Variants in DDX43 observed in about 807,000 individuals in gnomAD.
DDX43 encodes the protein DEAD-box helicase 43, also known as probable ATP-dependent RNA helicase DDX43.
DDX43 carries 50 observed loss-of-function variants against 84.9 expected under a neutral mutation model. The ratio of observed to expected loss-of-function variants is 0.59; its 90% CI spans 0.47 to 0.75. DDX43 has a LOEUF of 0.75. DDX43 is among the 30% of genes least tolerant of loss of function. The pLI is 0.00. For synonymous variants in DDX43, 291 were observed against 266.3 expected (o/e 1.09, Z -0.90); for missense variants, 689 against 798.6 (o/e 0.86, Z 1.65).
At chr6:73,413,872 A>G in intron 12 of DDX43, 87 bp downstream of exon 12, 2 of 1,533,604 alleles carry the variant, frequency 1.3e-6, no homozygotes, top group Non-Finnish European at 1.8e-6. Context: ...AATGGGGGTG[A>G]TAAGTCTGTT....
At chr6:73,406,337 G>A (rs1400281700) in intron 6 of DDX43, 27 bp from the exon 7 acceptor site, 2 of 1,524,462 alleles carry the variant, frequency 1.3e-6, no homozygotes, top group South Asian at 2.3e-5. Context: ...TGTACTTTTT[G>A]TGTTAATGTT....
Position 73,405,661 on chromosome 6 carries a change from G to T in DDX43, c.651-18G>T. ...GAGTAAAGTGAGGAAAGCCACTGAT[G>T]TTTTTTATTCTTTGAAGGAAAGAAA... On this transcript the variant is annotated intron_variant, in intron 5 of 16. Coordinates refer to ENST00000370336, the MANE Select transcript of DDX43 (RefSeq NM_018665.3). The T allele has an allele frequency of 2.5e-6, 4 of 1,610,708 alleles. No homozygotes were observed. The highest frequency in any genetic ancestry group is 3.4e-6 in the Non-Finnish European group (4 of 1,178,410).
Position 73,400,221 on chromosome 6 carries a change from C to T in DDX43, c.307-13C>T. ...AAATTTTAAGTCTCACCTCTTTTTC[C>T]CCTTGTACCTAGATAATACAAGAAC... On this transcript the variant is annotated splice_polypyrimidine_tract_variant and intron_variant, in intron 2 of 16. Coordinates refer to ENST00000370336, the MANE Select transcript of DDX43 (RefSeq NM_018665.3). The T allele has an allele frequency of 1.9e-6, 3 of 1,569,038 alleles. No individual in the cohort carries two copies. The highest frequency in any genetic ancestry group is 2.6e-6 in the Non-Finnish European group (3 of 1,163,164).
Position 73,402,000 on chromosome 6 carries a change from G to T in DDX43, c.568+10G>T. 1.2e-6 allele frequency: 2 copies of T among 1,613,030 alleles called. No individual in the cohort carries two copies. The highest frequency in any genetic ancestry group is 2.2e-5 in the East Asian group (1 of 44,820). ...AAAACAAAGTGGGCAGGTCAGTGCT[G>T]CTTCCTAATATTTACATATATTGTT... On this transcript the variant is annotated intron_variant, in intron 4 of 16. Transcript: ENST00000370336.
In DDX43 at chr6:73,395,062, G is replaced by A. The variant is rs776222017; in HGVS notation, c.157G>A (p.Gly53Ser). The change falls in exon 1 of 17, where the codon GGC (glycine) becomes AGC (serine). Residue 53 changes from glycine (G) to serine (S), a missense_variant. Gly to Ser is a moderately conservative substitution (Grantham distance 56, BLOSUM62 0). This residue lies in a region of DDX43 where 137 missense variants were observed against 105.9 expected (regional missense o/e 1.29). Transcript: ENST00000370336. ...TGTCGGCAGAGGTGGTCGCTGGAGA[G>A]GCACCTCTAGGCCCCCGGAGGCCGT... ...YSVGRGGRWR[G>S]TSRPPEAVAA... The A allele has an allele frequency of 3.7e-6, 6 of 1,613,226 alleles. No individual in the cohort carries two copies. Among genetic ancestry groups the A allele is most frequent in the South Asian group, 1.1e-5 (1 of 91,040 alleles).
At chr6:73,412,411 G>T in intron 11 of DDX43, 119 bp downstream of exon 11, 1 of 696,662 alleles carries the variant, frequency 1.4e-6, no homozygotes, top group Non-Finnish European at 2.4e-6. Flanking sequence ...CTTGCATATA[G>T]TTTTAATAGA....
intron 11 of DDX43, 82 bp from the exon 12 acceptor site, chr6:73,413,576 G>T (rs1047790568): frequency 7.5e-7 from 1 of 1,340,146 alleles, no homozygotes; most frequent in Non-Finnish European, 1.0e-6. Flanking sequence ...CAATGAGAGA[G>T]AAGATGCATT....
rs755034491 is a variant in DDX43, at chr6:73,413,800, T to A, written c.1496+15T>A. ...CGAAAAGCTGTGTAGGTATTTTTTC[T>A]TGTGTGTCCATTATAATTAATTAAA... On this transcript the variant is annotated intron_variant, in intron 12 of 16. Transcript: ENST00000370336. The A allele has an allele frequency of 3.7e-6, 6 of 1,608,098 alleles. No individual in the cohort carries two copies. In the South Asian group the frequency reaches 6.7e-5, roughly 18 times the overall value.
At chr6:73,405,341 T>C (rs2150794179) in intron 5 of DDX43, among the ~76,000 whole-genome samples, 1 of 152,330 alleles carries the variant, frequency 6.6e-6, no homozygotes, top group African/African-American at 2.4e-5. Context: ...AAGGATGCAT[T>C]AATGAAATAT....
At chr6:73,403,811 G>A (rs1008426791) in intron 4 of DDX43, among the ~76,000 whole-genome samples, 3 of 150,564 alleles carry the variant, frequency 2.0e-5, no homozygotes, top group Non-Finnish European at 3.0e-5. Flanking sequence ...CACCATGCCA[G>A]GCTAATTTTT....
At chr6:73,407,873 A>G (rs1488705644) in intron 8 of DDX43, 87 bp from the exon 9 acceptor site, 3 of 1,324,460 alleles carry the variant, frequency 2.3e-6, no homozygotes, top group Non-Finnish European at 3.2e-6. Context: ...GTACCTGATA[A>G]TTGATTTTTA....
intron 2 of DDX43, among the ~76,000 whole-genome samples, chr6:73,398,890 C>T (rs1057191678): frequency 2.0e-5 from 3 of 152,170 alleles, no homozygotes; most frequent in African/African-American, 7.2e-5. Context: ...AACTGTATGT[C>T]CTGCTTCCAT....
intron 1 of DDX43, 41 bp downstream of exon 1, chr6:73,395,196 C>G (rs1181487823): frequency 6.4e-7 from 1 of 1,559,086 alleles, no homozygotes; most frequent in Non-Finnish European, 8.7e-7. Context: ...TAGGTGGGGC[C>G]AGGGGCGGAG....
At chr6:73,395,506 C>T (rs1250077150) in intron 1 of DDX43, among the ~76,000 whole-genome samples, 1 of 151,820 alleles carries the variant, frequency 6.6e-6, no homozygotes, top group Non-Finnish European at 1.5e-5. Flanking sequence ...CCCAGATACT[C>T]CGGAGGCTGA....
chr6:73,416,836 T>G (rs1048434374), intron 16 of DDX43, among the ~76,000 whole-genome samples: 7 of 152,126 alleles, frequency 4.6e-5, no homozygotes, highest in Non-Finnish European at 7.4e-5. Flanking sequence ...GTTAGGAGTT[T>G]GAGACCAACC....
rs778271512 is a variant in DDX43 at position 73,408,188 on chromosome 6, A to G, written c.1179+87A>G. ...AGTGGGTCACGCCTGTAATCCGAGCACTTTGGGAGGCCGAGGCAGGTGGAT... is the reference window on the plus strand; with the variant it reads ...AGTGGGTCACGCCTGTAATCCGAGCGCTTTGGGAGGCCGAGGCAGGTGGAT... On this transcript the variant is annotated intron_variant, in intron 9 of 16. Coordinates refer to ENST00000370336, the MANE Select transcript of DDX43 (RefSeq NM_018665.3). The G allele has an allele frequency of 3.8e-5, 54 of 1,408,624 alleles. No homozygotes were observed. The Middle Eastern group carries it at 9.9e-4, about 26-fold the overall frequency. 87.3% of individuals were successfully genotyped at this position (1,408,624 alleles called of 1,614,324 possible).
intron 11 of DDX43, among the ~76,000 whole-genome samples, chr6:73,412,668 T>TGTGTGTGTGTGCGC (rs538597626): frequency 0.016 from 1,724 of 107,988 alleles, 50 homozygotes; most frequent in East Asian, 0.027. Context: ...TGTGTGTGTG[T>TGTGTGTGTGTGCGC]GCGCGCGCGC....
chr6:73,407,582 A>C lies in DDX43; in HGVS notation c.1004A>C (p.Glu335Ala). 1 of 1,613,612 alleles carries C rather than the reference A, an allele frequency of 6.2e-7. No individual in the cohort carries two copies. Among genetic ancestry groups the C allele is most frequent in the Non-Finnish European group, 8.5e-7 (1 of 1,179,576 alleles). The change falls in exon 8 of 17, where the codon GAA (glutamate) becomes GCA (alanine). Residue 335 changes from glutamate (E) to alanine (A), a missense_variant. Physicochemically the swap from Glu to Ala is moderately radical, Grantham distance 107 (BLOSUM62 -1). Coordinates refer to ENST00000370336, the MANE Select transcript of DDX43 (RefSeq NM_018665.3). ...TRELALQVEG[E>A]CCKYSYKGLR... ...GAATTAGCACTTCAAGTAGAAGGAGAATGTTGCAAATATTCATATAAAGGG... is the reference window on the plus strand; with the variant it reads ...GAATTAGCACTTCAAGTAGAAGGAGCATGTTGCAAATATTCATATAAAGGG...
chr6:73,397,489 G>A (rs184615042), intron 1 of DDX43, among the ~76,000 whole-genome samples, 200 bp from the exon 2 acceptor site: 9 of 152,270 alleles, frequency 5.9e-5, no homozygotes, highest in Non-Finnish European at 2.9e-5. Context: ...GTCTCCACCT[G>A]TCTGGGATAA....
Sources: allele counts gnomAD v4.1 joint callset (sites outside exome capture counted in the v4.1 genomes callset), GRCh38; gene constraint gnomAD v4.1.1; regional missense constraint gnomAD v4.1.1; transcripts MANE v1.5; gene names NCBI Gene and HGNC (gene_info 2026-07-23, HGNC 2026-07-21).